Variants in CHMP3 observed in about 807,000 individuals in gnomAD.
CHMP3 encodes the protein charged multivesicular body protein 3, also known as 25.1 protein.
CHMP3 carries 8 observed loss-of-function variants against 27.4 expected under a neutral mutation model. That is an observed-to-expected ratio of 0.29 (90% CI 0.17 to 0.53). The LOEUF (loss-of-function observed/expected upper bound fraction) is 0.53. Ranked by LOEUF, CHMP3 falls within the 20% of genes least tolerant of loss-of-function variation. The pLI is 0.96. For missense variants in CHMP3, 208 were observed against 271.5 expected (o/e 0.77, Z 1.64); for synonymous variants, 86 against 85.5 (o/e 1.01, Z -0.03).
chr2:86,534,196 C>CTTTTTTTTTTTTTTTTTTTTTTTTTTTT (rs33977886), intron 2 of CHMP3, among the ~76,000 whole-genome samples: 1 of 66,902 alleles, frequency 1.5e-5, no homozygotes, highest in African/African-American at 5.6e-5. Context: ...TGCTTTATTT[C>CTTTTTTTTTTTTTTTTTTTTTTTTTTTT]TTTTTTTTTT....
chr2:86,536,863 A>G (rs1305607970), intron 2 of CHMP3, among the ~76,000 whole-genome samples: 1 of 151,842 alleles, frequency 6.6e-6, no homozygotes, highest in Admixed American at 6.6e-5. Flanking sequence ...GATGTCTGAC[A>G]GGTCTCTTAG....
intron 1 of CHMP3, among the ~76,000 whole-genome samples, chr2:86,542,616 A>C (rs999393561): frequency 1.3e-5 from 2 of 152,224 alleles, no homozygotes; most frequent in Admixed American, 1.3e-4. Flanking sequence ...AAGAGGTCCA[A>C]GTGCACAGTT....
rs3201448 is a variant in CHMP3 at position 86,505,401 on chromosome 2, C to T, written c.*403G>A. On this transcript the variant is annotated 3_prime_UTR_variant, in exon 6 of 6. Transcript: ENST00000263856. ...AGCAAATGAAGCAATCTGGGGCAGC[C>T]GACACCTTGAAAGTTTACTGCACAG... The T allele has an allele frequency of 0.39, 60,952 of 154,968 alleles. 13,988 individuals are homozygous for T. Among genetic ancestry groups the T allele is most frequent in the East Asian group, 0.75 (3,946 of 5,280 alleles). The allele number at this position is 154,968 out of a possible 1,614,324, so 9.6% of individuals were successfully genotyped here.
At chr2:86,543,100 A>G (rs1308728042) in intron 1 of CHMP3, among the ~76,000 whole-genome samples, 2 of 152,222 alleles carry the variant, frequency 1.3e-5, no homozygotes, top group Non-Finnish European at 2.9e-5. Flanking sequence ...TACATCAACA[A>G]GGTTTCTCAG....
intron 2 of CHMP3, 31 bp downstream of exon 2, chr2:86,542,221 G>T: frequency 1.2e-6 from 2 of 1,608,794 alleles, no homozygotes; most frequent in Non-Finnish European, 1.7e-6. Context: ...CCAAGAGGGT[G>T]AAAAATAGAA....
intron 4 of CHMP3, 120 bp from the exon 5 acceptor site, chr2:86,507,713 A>G: frequency 1.3e-6 from 1 of 789,834 alleles, no homozygotes; most frequent in Non-Finnish European, 2.1e-6. Flanking sequence ...GAGCTGACAC[A>G]CGAGACAGCT....
At chr2:86,540,432 C>A (rs547163647) in intron 2 of CHMP3, among the ~76,000 whole-genome samples, 2 of 152,052 alleles carry the variant, frequency 1.3e-5, no homozygotes, top group South Asian at 4.2e-4. Context: ...ATGCTTGGGA[C>A]CAAATGTCTT....
At chr2:86,551,235 CAG>C (rs1474627638) in intron 1 of CHMP3, among the ~76,000 whole-genome samples, 1 of 151,840 alleles carries the variant, frequency 6.6e-6, no homozygotes, top group African/African-American at 2.4e-5. Flanking sequence ...GGTATTCTTT[CAG>C]AGTCCCAACC....
intron 5 of CHMP3, among the ~76,000 whole-genome samples, 166 bp from the exon 6 acceptor site, chr2:86,506,115 A>C (rs908454585): frequency 9.2e-5 from 14 of 152,206 alleles, no homozygotes; most frequent in African/African-American, 3.4e-4. Context: ...GCAAATAGCT[A>C]CCTGTAATGA....
intron 2 of CHMP3, among the ~76,000 whole-genome samples, chr2:86,534,196 CTTTTTT>C (rs33977886): frequency 1.5e-5 from 1 of 66,902 alleles, no homozygotes; most frequent in South Asian, 6.6e-4. Flanking sequence ...TGCTTTATTT[CTTTTTT>C]TTTTTTTTTT....
intron 3 of CHMP3, among the ~76,000 whole-genome samples, chr2:86,517,528 C>G (rs905630933): frequency 6.9e-6 from 1 of 145,128 alleles, no homozygotes; most frequent in Non-Finnish European, 1.5e-5. Flanking sequence ...ATCGTGCCAC[C>G]GCACTCCAGC....
chr2:86,524,070 C>T (rs1040224731), intron 3 of CHMP3, among the ~76,000 whole-genome samples: 1 of 152,082 alleles, frequency 6.6e-6, no homozygotes, highest in Non-Finnish European at 1.5e-5. Context: ...GTGAGCCTCA[C>T]AACCTGCTTA....
intron 1 of CHMP3, among the ~76,000 whole-genome samples, chr2:86,547,176 G>A (rs1676644034): frequency 6.6e-6 from 1 of 152,230 alleles, no homozygotes; most frequent in East Asian, 1.9e-4. Flanking sequence ...TAGACTATAA[G>A]CTCCAGAAAG....
intron 2 of CHMP3, among the ~76,000 whole-genome samples, chr2:86,539,043 T>C (rs531489090): frequency 4.6e-5 from 7 of 152,282 alleles, no homozygotes; most frequent in African/African-American, 1.7e-4. Flanking sequence ...AGCCAATAGC[T>C]TGACTTCTGA....
chr2:86,554,816 C>CGCGTGTGT (rs138168191), intron 1 of CHMP3, among the ~76,000 whole-genome samples: 6 of 145,384 alleles, frequency 4.1e-5, no homozygotes, highest in African/African-American at 1.3e-4. Context: ...TGTGTGCGCG[C>CGCGTGTGT]GTGTGTGTGT....
chr2:86,543,677 G>A (rs985406944), intron 1 of CHMP3, among the ~76,000 whole-genome samples: 30 of 152,144 alleles, frequency 2.0e-4, no homozygotes, highest in Non-Finnish European at 3.7e-4. Context: ...AGTTTACCAC[G>A]GCAAGTACAT....
chr2:86,507,268 T>C (rs1447379642), intron 5 of CHMP3: 5 of 506,424 alleles, frequency 9.9e-6, no homozygotes, highest in Non-Finnish European at 1.8e-5. Context: ...TCCTTTAAAA[T>C]CATGCAAACT....
At chr2:86,534,302 A>C (rs1198622706) in intron 2 of CHMP3, among the ~76,000 whole-genome samples, 7 of 143,970 alleles carry the variant, frequency 4.9e-5, no homozygotes, top group African/African-American at 1.8e-4. Flanking sequence ...AGGTTCAAGC[A>C]ATTCTCCTAC....
intron 1 of CHMP3, among the ~76,000 whole-genome samples, chr2:86,553,972 G>T (rs940135629): frequency 6.6e-6 from 1 of 152,196 alleles, no homozygotes; most frequent in Non-Finnish European, 1.5e-5. Flanking sequence ...CCCCAAATTC[G>T]TATGTTGAAA....
Sources: allele counts gnomAD v4.1 joint callset (sites outside exome capture counted in the v4.1 genomes callset), GRCh38; gene constraint gnomAD v4.1.1; transcripts MANE v1.5; gene names NCBI Gene and HGNC (gene_info 2026-07-23, HGNC 2026-07-21).